The following MTMR3 variants were observed in gnomAD, a reference collection of about 807,000 sequenced individuals.
MTMR3 encodes myotubularin related protein 3, also known as phosphatidylinositol-3,5-bisphosphate 3-phosphatase MTMR3.
MTMR3 carries 32 observed loss-of-function variants against 132.4 expected under a neutral mutation model. The ratio of observed to expected loss-of-function variants is 0.24; its 90% confidence interval spans 0.18 to 0.32. The LOEUF (loss-of-function observed/expected upper bound fraction) is 0.32, where lower values mean the gene tolerates loss of function less well. Among genes scored for constraint, MTMR3 ranks in the 10% least tolerant of loss-of-function variants. The pLI is 1.00. For synonymous variants in MTMR3, 556 were observed against 550.3 expected, an observed-to-expected ratio of 1.01 and a Z score of -0.14; for missense variants, 1,216 against 1,489.6, an observed-to-expected ratio of 0.82 and a Z score of 3.02.
At chr22:29,982,608 CTT>C (rs2066771780) in intron 5 of MTMR3, 1 of 152,202 alleles carries the variant, frequency 6.6e-6, no homozygotes, top group Admixed American at 6.5e-5. Context: ...ATACTTAGCA[CTT>C]CAGAAAATGA....
chr22:29,924,148 G>T (rs191424977), intron 1 of MTMR3, among the ~76,000 whole-genome samples: 13 of 152,172 alleles, frequency 8.5e-5, no homozygotes, highest in African/African-American at 3.1e-4. Flanking sequence ...TCTTCTAAGA[G>T]TCTTACAGTT....
At chr22:29,901,394 G>T (rs1321749627) in intron 1 of MTMR3, among the ~76,000 whole-genome samples, 3 of 151,932 alleles carry the variant, frequency 2.0e-5, no homozygotes, top group Non-Finnish European at 2.9e-5. Context: ...TTCTTGCTTC[G>T]GTGGTTTAAG....
Position 30,020,754 on chromosome 22 carries a change from G to T in MTMR3, c.3095G>T (p.Arg1032Leu). 1 of 1,614,176 alleles carries T rather than the reference G, an allele frequency of 6.2e-7. No homozygotes were observed. The highest frequency in any genetic ancestry group is 8.5e-7 in the Non-Finnish European group (1 of 1,180,036). ...ACAGACACGATCCAACAGCGCCTGCGTCAGATTGAGTCAGGCCACCAGCAG... is the reference window on the plus strand; with the variant it reads ...ACAGACACGATCCAACAGCGCCTGCTTCAGATTGAGTCAGGCCACCAGCAG... ...VYTDTIQQRL[R>L]QIESGHQQEV... The change falls in exon 17 of 20, where the codon CGT (arginine) becomes CTT (leucine). Residue 1032 changes from arginine (R) to leucine (L), a missense_variant. By Grantham distance (102) the Arg-to-Leu change is moderately radical. Coordinates refer to ENST00000401950, the MANE Select transcript of MTMR3 (RefSeq NM_021090.4).
At chr22:29,900,681 T>A (rs1429686200) in intron 1 of MTMR3, among the ~76,000 whole-genome samples, 2 of 152,186 alleles carry the variant, frequency 1.3e-5, no homozygotes, top group Non-Finnish European at 2.9e-5. Flanking sequence ...GTTAAATAAT[T>A]TGCCTAGGTG....
At chr22:29,915,684 A>G (rs2065295426) in intron 1 of MTMR3, among the ~76,000 whole-genome samples, 1 of 152,102 alleles carries the variant, frequency 6.6e-6, no homozygotes, top group Admixed American at 6.6e-5. Context: ...TTGGCCTCCT[A>G]AAGTGCTGGG....
chr22:29,986,210 G>T (rs560623826), intron 5 of MTMR3: 1 of 152,214 alleles, frequency 6.6e-6, no homozygotes, highest in East Asian at 1.9e-4. Context: ...TGGCACATGG[G>T]AAGGCTGGAG....
chr22:29,972,506 TA>T (rs1232660873), intron 3 of MTMR3, among the ~76,000 whole-genome samples: 1 of 152,230 alleles, frequency 6.6e-6, no homozygotes, highest in Admixed American at 6.5e-5. Context: ...TCTCATAAAG[TA>T]GCATTGTTAC....
intron 1 of MTMR3, among the ~76,000 whole-genome samples, chr22:29,922,235 T>A (rs777124023): frequency 1.1e-4 from 17 of 152,038 alleles, no homozygotes; most frequent in Non-Finnish European, 2.4e-4. Context: ...GCCAGGCTGG[T>A]CTCAAACTCC....
intron 1 of MTMR3, among the ~76,000 whole-genome samples, chr22:29,911,612 A>T (rs550620909): frequency 9.9e-5 from 15 of 150,826 alleles, no homozygotes; most frequent in Admixed American, 8.6e-4. Flanking sequence ...TACAACTGAG[A>T]ATTTTGACCA....
intron 1 of MTMR3, among the ~76,000 whole-genome samples, chr22:29,921,885 A>G (rs138705757): frequency 1.7e-3 from 224 of 130,730 alleles, no homozygotes; most frequent in African/African-American, 6.1e-3. Flanking sequence ...GTGTCACTCT[A>G]TTGCCCAGGC....
intron 1 of MTMR3, among the ~76,000 whole-genome samples, chr22:29,935,806 G>A (rs1236746418): frequency 7.3e-6 from 1 of 136,286 alleles, no homozygotes; most frequent in Non-Finnish European, 1.5e-5. Context: ...AGGCTGGAGT[G>A]CAGTGGTGCA....
At chr22:29,931,565 C>T (rs532974138) in intron 1 of MTMR3, among the ~76,000 whole-genome samples, 2 of 152,274 alleles carry the variant, frequency 1.3e-5, no homozygotes, top group South Asian at 4.1e-4. Context: ...TGGGCGCGTG[C>T]CCTCATGCCC....
chr22:29,944,872 A>G (rs2065923177), intron 1 of MTMR3, among the ~76,000 whole-genome samples: 1 of 152,212 alleles, frequency 6.6e-6, no homozygotes, highest in Non-Finnish European at 1.5e-5. Context: ...TGCTAAATAG[A>G]TATTTCAGTC....
chr22:29,948,966 C>T (rs2066003353), intron 1 of MTMR3, among the ~76,000 whole-genome samples: 1 of 151,888 alleles, frequency 6.6e-6, no homozygotes, highest in Admixed American at 6.6e-5. Context: ...GGCATGGTGG[C>T]ATGTGTCTGT....
intron 3 of MTMR3, 132 bp downstream of exon 3, chr22:29,971,194 C>A (rs2066528009): frequency 3.3e-6 from 3 of 899,794 alleles, no homozygotes; most frequent in East Asian, 2.7e-5. Flanking sequence ...TTTCCCAGAT[C>A]TCTTGTGTCT....
intron 1 of MTMR3, among the ~76,000 whole-genome samples, chr22:29,943,369 A>G (rs1366998099): frequency 4.0e-5 from 6 of 151,412 alleles, no homozygotes; most frequent in Non-Finnish European, 8.8e-5. Flanking sequence ...ATTTTTTTGT[A>G]TTTTTAGTAG....
In MTMR3 at chr22:29,921,395, G is replaced by A. The variant is rs140973492; in HGVS notation, c.-137-35641G>A. On this transcript the variant is annotated intron_variant, in intron 1 of 19. Coordinates refer to ENST00000401950, the MANE Select transcript of MTMR3 (RefSeq NM_021090.4). ...CATAACCAGATATCTTCCACTAGGCGCCACCTCCAACGTTTGGGATCACAT... is the reference window on the plus strand; with the variant it reads ...CATAACCAGATATCTTCCACTAGGCACCACCTCCAACGTTTGGGATCACAT... Among the ~76,000 whole-genome samples the A allele has an allele frequency of 3.3e-5, 5 of 152,266 alleles. No homozygotes were observed. The East Asian group carries it at 5.8e-4, about 18-fold the overall frequency.
chr22:29,912,853 C>G (rs2065240361), intron 1 of MTMR3, among the ~76,000 whole-genome samples: 1 of 152,196 alleles, frequency 6.6e-6, no homozygotes, highest in South Asian at 2.1e-4. Flanking sequence ...TCATCCAACT[C>G]TTGGCCTGAA....
intron 1 of MTMR3, among the ~76,000 whole-genome samples, chr22:29,915,465 A>ACT (rs2065290681): frequency 6.6e-6 from 1 of 152,160 alleles, no homozygotes; most frequent in African/African-American, 2.4e-5. Context: ...TCTGCCACCC[A>ACT]GGCTGGAGTG....
Sources: gnomAD v4.1 joint callset for allele counts (sites outside exome capture counted in the v4.1 genomes callset) on GRCh38, gnomAD v4.1.1 for gene constraint, MANE v1.5 for transcripts, NCBI Gene and HGNC (gene_info 2026-07-23, HGNC 2026-07-21) for gene names.